MMD: variants seen among roughly 807,000 people sequenced by gnomAD.
The protein encoded by MMD is monocyte to macrophage differentiation factor.
MMD carries 22 observed loss-of-function variants against 33.6 expected under a neutral mutation model. The ratio of observed to expected loss-of-function variants is 0.66; its 90% CI spans 0.47 to 0.94. MMD has a LOEUF of 0.94. Ranked by LOEUF, MMD falls within the 40% of genes least tolerant of loss-of-function variation. The pLI is 0.00. For missense variants in MMD, 242 were observed against 309.8 expected, an observed-to-expected ratio of 0.78 and a Z score of 1.64; for synonymous variants, 97 against 103.2, an observed-to-expected ratio of 0.94 and a Z score of 0.36.
chr17:55,411,490 A>G (rs1907761868), intron 2 of MMD, 73 bp from the exon 3 acceptor site: 1 of 1,458,618 alleles, frequency 6.9e-7, no homozygotes, highest in Admixed American at 2.3e-5. Context: ...CTAAAAATAC[A>G]GAGCTTTACC....
intron 5 of MMD, among the ~76,000 whole-genome samples, chr17:55,402,046 T>G (rs553087648): frequency 1.3e-4 from 17 of 135,144 alleles, no homozygotes; most frequent in Non-Finnish European, 2.1e-4. Flanking sequence ...ATCGCACCAC[T>G]GCACTCCATC....
Position 55,393,031 on chromosome 17 carries a change from G to A in MMD, c.*1303C>T, listed in dbSNP as rs1906974367. 1 of 152,064 alleles carries A rather than the reference G, an allele frequency of 6.6e-6. No individual in the cohort carries two copies. 9.4% of individuals were successfully genotyped at this position (152,064 alleles called of 1,614,324 possible). On this transcript the variant is annotated 3_prime_UTR_variant, in exon 7 of 7. Transcript: ENST00000262065. ...CATTACTAGGAAACAGGCAATATCAGCACCCGATCTAAAGGCAAGCCTATT... is the reference window on the plus strand; with the variant it reads ...CATTACTAGGAAACAGGCAATATCAACACCCGATCTAAAGGCAAGCCTATT...
rs191325464 is a variant in MMD at position 55,421,249 on chromosome 17, T to C, written c.26+421A>G. ...CGCGCGCCCCGGGAGACCCCCACCCTGGAGGTAAAGGGATGGAGGCCAAAG... is the reference window on the plus strand; with the variant it reads ...CGCGCGCCCCGGGAGACCCCCACCCCGGAGGTAAAGGGATGGAGGCCAAAG... On this transcript the variant is annotated intron_variant, in intron 1 of 6. Transcript: ENST00000262065. Among the ~76,000 whole-genome samples the C allele has an allele frequency of 1.1e-4, 16 of 152,196 alleles. No homozygotes were observed. In the East Asian group the frequency reaches 2.9e-3, roughly 28 times the overall value.
chr17:55,419,406 C>T (rs1480617807), intron 1 of MMD, among the ~76,000 whole-genome samples: 1 of 152,120 alleles, frequency 6.6e-6, no homozygotes, highest in East Asian at 1.9e-4. Context: ...TTTTTCACAT[C>T]CTAAGTTTGT....
chr17:55,407,850 T>C (rs1372134164), intron 3 of MMD, 30 bp from the exon 4 acceptor site: 19 of 1,503,668 alleles, frequency 1.3e-5, no homozygotes, highest in Non-Finnish European at 1.7e-5. Flanking sequence ...AGTAAATTTG[T>C]CAGAAAGTGT....
At chr17:55,396,552 C>T (rs191465282) in intron 6 of MMD, among the ~76,000 whole-genome samples, 2 of 152,190 alleles carry the variant, frequency 1.3e-5, no homozygotes, top group African/African-American at 4.8e-5. Context: ...TCCATTTTAT[C>T]TTTTCTCTTG....
intron 1 of MMD, 149 bp downstream of exon 1, chr17:55,421,521 G>C (rs1908188656): frequency 8.9e-7 from 1 of 1,124,528 alleles, no homozygotes; most frequent in Non-Finnish European, 1.3e-6. Flanking sequence ...CAGCAGGGTG[G>C]GGAATCCCCA....
chr17:55,404,018 A>G, intron 4 of MMD, 150 bp from the exon 5 acceptor site: 4 of 617,328 alleles, frequency 6.5e-6, no homozygotes, highest in South Asian at 4.6e-5. Context: ...CAATTTAGGT[A>G]AAATTAAGCA....
chr17:55,396,356 C>A (rs2143115054), intron 6 of MMD, among the ~76,000 whole-genome samples: 1 of 152,186 alleles, frequency 6.6e-6, no homozygotes, highest in East Asian at 1.9e-4. Context: ...ACAATCTCTG[C>A]CTTTTAGTTG....
chr17:55,395,641 A>G (rs1907070795), intron 6 of MMD, among the ~76,000 whole-genome samples: 1 of 152,232 alleles, frequency 6.6e-6, no homozygotes, highest in African/African-American at 2.4e-5. Context: ...CAAAGTTCAC[A>G]GAAGCCCCCA....
chr17:55,420,899 G>A (rs1217481597), intron 1 of MMD, among the ~76,000 whole-genome samples: 2 of 152,164 alleles, frequency 1.3e-5, no homozygotes, highest in African/African-American at 4.8e-5. Flanking sequence ...CCCCCAGCCC[G>A]GCATTTCCAC....
intron 6 of MMD, among the ~76,000 whole-genome samples, 154 bp downstream of exon 6, chr17:55,401,315 A>C (rs1169569159): frequency 6.6e-6 from 1 of 152,170 alleles, no homozygotes; most frequent in Non-Finnish European, 1.5e-5. Flanking sequence ...CACCATGCCA[A>C]GCTAAACACT....
In MMD at chr17:55,414,149, A is replaced by G. The variant is rs1448604225; in HGVS notation, c.108+2T>C. ...TGGCAATGGTGGAAAACTTGTACTC[A>G]CTGCGTGTGTGTAACAGTTAGCAGC... On this transcript the variant is annotated splice_donor_variant, in intron 2 of 6. Coordinates refer to ENST00000262065, the MANE Select transcript of MMD (RefSeq NM_012329.3). LOFTEE classifies it high-confidence loss of function. 6.2e-7 allele frequency: 1 copy of G among 1,613,718 alleles called. No homozygotes were observed. The highest frequency in any genetic ancestry group is 1.3e-5 in the African/African-American group (1 of 75,014).
chr17:55,402,796 A>AT (rs1259937844), intron 5 of MMD, among the ~76,000 whole-genome samples: 3 of 152,266 alleles, frequency 2.0e-5, no homozygotes, highest in Admixed American at 2.0e-4. Flanking sequence ...GCTATAATAT[A>AT]TAACACTACT....
At chr17:55,420,758 T>C (rs1363699510) in intron 1 of MMD, among the ~76,000 whole-genome samples, 2 of 152,214 alleles carry the variant, frequency 1.3e-5, no homozygotes, top group East Asian at 3.9e-4. Context: ...GCAGTTACCA[T>C]ATGCCCTGGA....
At chr17:55,412,721 T>C (rs1479065723) in intron 2 of MMD, among the ~76,000 whole-genome samples, 3 of 152,214 alleles carry the variant, frequency 2.0e-5, no homozygotes, top group African/African-American at 7.2e-5. Flanking sequence ...ATTAGAACAT[T>C]AAATACAATT....
At chr17:55,411,817 C>T (rs1220119676) in intron 2 of MMD, among the ~76,000 whole-genome samples, 11 of 152,086 alleles carry the variant, frequency 7.2e-5, no homozygotes, top group Admixed American at 7.2e-4. Context: ...TAGCTCATGA[C>T]TGTAATCCCA....
chr17:55,395,142 T>C (rs1182311517), intron 6 of MMD, among the ~76,000 whole-genome samples: 1 of 152,268 alleles, frequency 6.6e-6, no homozygotes, highest in Non-Finnish European at 1.5e-5. Context: ...CAGGCCTTTT[T>C]GTATTCGAGC....
chr17:55,411,304 G>A lies in MMD; in HGVS notation c.222C>T (p.Ile74=), dbSNP rs770747436. ...ATACAATGTGAAATACTGTAGAAAC[G>A]ATGAAGAGGGCACAGAGTCCCATTC... ...IYGMGLCALF[I]VSTVFHIVSW... The change falls in exon 3 of 7, where the codon ATC becomes ATT. Residue 74 remains isoleucine (I), a synonymous_variant. Coordinates refer to ENST00000262065, the MANE Select transcript of MMD (RefSeq NM_012329.3). 7.4e-6 allele frequency: 12 copies of A among 1,613,922 alleles called. No individual in the cohort carries two copies. The highest frequency in any genetic ancestry group is 1.1e-5 in the South Asian group (1 of 91,068).
Sources: gnomAD v4.1 joint callset for allele counts (sites outside exome capture counted in the v4.1 genomes callset) on GRCh38, gnomAD v4.1.1 for gene constraint, MANE v1.5 for transcripts, NCBI Gene and HGNC (gene_info 2026-07-23, HGNC 2026-07-21) for gene names.